CDH13: variants seen among roughly 807,000 people sequenced by gnomAD.
The protein encoded by CDH13 is cadherin-13.
CDH13 carries 24 observed loss-of-function variants against 63.8 expected under a neutral mutation model. That is an observed-to-expected ratio of 0.38 (90% CI 0.27 to 0.53). The LOEUF (loss-of-function observed/expected upper bound fraction) is 0.53, where lower values mean the gene tolerates loss of function less well. Ranked by LOEUF, CDH13 falls within the 20% of genes least tolerant of loss-of-function variation. CDH13 has a pLI of 0.85. For synonymous variants in CDH13, 503 were observed against 355.3 expected (o/e 1.42, Z -4.67); for missense variants, 1,049 against 903.1 (o/e 1.16, Z -2.07).
At chr16:82,900,234 C>A (rs1486421043) in intron 2 of CDH13, among the ~76,000 whole-genome samples, 1 of 152,152 alleles carries the variant, frequency 6.6e-6, no homozygotes, top group Non-Finnish European at 1.5e-5. Flanking sequence ...CATGCCTGTC[C>A]CAAGTATAGC....
intron 7 of CDH13, among the ~76,000 whole-genome samples, chr16:83,535,994 C>G (rs2075179373): frequency 1.3e-5 from 2 of 151,952 alleles, no homozygotes; most frequent in Admixed American, 1.3e-4. Context: ...CCATGGACAC[C>G]CACAGAAACA....
At chr16:83,666,815 CCACACATACACACA>C (rs57685216) in intron 8 of CDH13, among the ~76,000 whole-genome samples, 38,578 of 151,828 alleles carry the variant, frequency 0.25, 5,094 homozygotes, top group East Asian at 0.47. Flanking sequence ...ATACCCACCT[CCACACATACACACA>C]CACACATACA....
intron 7 of CDH13, among the ~76,000 whole-genome samples, chr16:83,550,320 G>A (rs12921461): frequency 0.32 from 48,643 of 152,108 alleles, 8,431 homozygotes; most frequent in East Asian, 0.42. Context: ...ACCAGGGGGC[G>A]CTGACAGAAG....
chr16:82,807,791 C>T (rs1054248789), intron 1 of CDH13, among the ~76,000 whole-genome samples: 2 of 152,146 alleles, frequency 1.3e-5, no homozygotes, highest in Admixed American at 1.3e-4. Context: ...AGGAAAATTG[C>T]TAAAGGTTAT....
At chr16:82,876,139 A>G (rs1030478305) in intron 2 of CDH13, among the ~76,000 whole-genome samples, 25 of 152,354 alleles carry the variant, frequency 1.6e-4, no homozygotes, top group South Asian at 8.3e-4. Context: ...CTCCCATGAC[A>G]TGTAAATAGT....
intron 6 of CDH13, among the ~76,000 whole-genome samples, chr16:83,393,790 C>G (rs1464946758): frequency 6.6e-6 from 1 of 152,196 alleles, no homozygotes; most frequent in African/African-American, 2.4e-5. Flanking sequence ...TGCCAGGCTT[C>G]TGGCCTCAGG....
At chr16:83,794,195 A>G (rs892222461) in intron 13 of CDH13, among the ~76,000 whole-genome samples, 1 of 152,212 alleles carries the variant, frequency 6.6e-6, no homozygotes, top group Non-Finnish European at 1.5e-5. Context: ...GTAAGAGAAT[A>G]GATTCGTGTT....
At chr16:83,484,570 G>C (rs984716569) in intron 6 of CDH13, among the ~76,000 whole-genome samples, 2 of 152,154 alleles carry the variant, frequency 1.3e-5, no homozygotes, top group Admixed American at 1.3e-4. Context: ...AATTTTAATT[G>C]CCAAAGCAAT....
At chr16:82,704,021 C>A (rs1006072294) in intron 1 of CDH13, among the ~76,000 whole-genome samples, 11 of 152,152 alleles carry the variant, frequency 7.2e-5, no homozygotes, top group African/African-American at 2.7e-4. Context: ...ATCTCCAGCC[C>A]CTCCTTTGCA....
In CDH13 at chr16:83,678,408, G is replaced by C. The variant is rs770880449; in HGVS notation, c.1485G>C (p.Val495=). ...AGGAGGACCTCTCTGTGGGCAGCGT[G>C]CTGCTGACAGTGAATGCCACGGACC... The part of the protein sequence containing the change: ...TRQEDLSVGS[V]LLTVNATDPD... The change falls in exon 10 of 14, where the codon GTG becomes GTC. Residue 495 remains valine, a synonymous_variant. Transcript: ENST00000567109. 53 of 1,613,868 alleles carry C rather than the reference G, an allele frequency of 3.3e-5. 1 individual carries two copies. Among genetic ancestry groups the C allele is most frequent in the Admixed American group, 5.0e-5 (3 of 60,002 alleles).
chr16:82,698,565 A>C (rs183140083), intron 1 of CDH13, among the ~76,000 whole-genome samples: 2 of 152,180 alleles, frequency 1.3e-5, no homozygotes, highest in Non-Finnish European at 2.9e-5. Flanking sequence ...ATATTGTAGC[A>C]GTGTAGCTTG....
chr16:82,796,614 G>A lies in CDH13; in HGVS notation c.46-61748G>A, dbSNP rs143173017. On this transcript the variant is annotated intron_variant, in intron 1 of 13. Transcript: ENST00000567109. The stretch of plus-strand genomic sequence containing the variant: ...ATCCATTCATGATACTTTGGCTTAT[G>A]GGTGTTCCACACTTGATTCCAAGGG... Among the ~76,000 whole-genome samples, 720 of 152,296 alleles carry A rather than the reference G, an allele frequency of 4.7e-3. 5 individuals are homozygous for A. Among genetic ancestry groups the A allele is most frequent in the African/African-American group, 0.016 (676 of 41,560 alleles).
chr16:82,637,322 CTTCTT>C (rs1036850373), intron 1 of CDH13, among the ~76,000 whole-genome samples: 2 of 151,930 alleles, frequency 1.3e-5, no homozygotes, highest in African/African-American at 2.4e-5. Flanking sequence ...TCTGCTTTCC[CTTCTT>C]TTCTTCCTTT....
At chr16:83,343,259 T>G (rs1165642713) in intron 5 of CDH13, among the ~76,000 whole-genome samples, 4 of 152,204 alleles carry the variant, frequency 2.6e-5, no homozygotes. Flanking sequence ...TTGTAGGTCA[T>G]GTATGATGAT....
intron 5 of CDH13, among the ~76,000 whole-genome samples, chr16:83,236,815 G>C (rs546859118): frequency 6.6e-6 from 1 of 152,224 alleles, no homozygotes; most frequent in African/African-American, 2.4e-5. Context: ...GAGTGGCAGG[G>C]GTGGGAAGGA....
Position 82,841,841 on chromosome 16 carries a change from C to T in CDH13, c.46-16521C>T, listed in dbSNP as rs565149607. Among the ~76,000 whole-genome samples the T allele has an allele frequency of 1.8e-3, 275 of 152,064 alleles. 2 individuals are homozygous for T. Among genetic ancestry groups the T allele is most frequent in the African/African-American group, 6.2e-3 (259 of 41,470 alleles). Reference sequence around the variant, plus strand: ...CCTACTGTGCTGGAGCTGCTTAACCCATGAAAGACAGTTGTACACAGCTCT... The same window carrying T: ...CCTACTGTGCTGGAGCTGCTTAACCTATGAAAGACAGTTGTACACAGCTCT... On this transcript the variant is annotated intron_variant, in intron 1 of 13. Transcript: ENST00000567109.
chr16:82,928,602 G>C (rs550312301), intron 2 of CDH13, among the ~76,000 whole-genome samples: 1 of 152,162 alleles, frequency 6.6e-6, no homozygotes, highest in Non-Finnish European at 1.5e-5. Context: ...CTTATCTGGA[G>C]AATTATGTTT....
chr16:83,013,556 C>A (rs1461430643), intron 2 of CDH13, among the ~76,000 whole-genome samples: 22 of 152,162 alleles, frequency 1.4e-4, no homozygotes, highest in Admixed American at 1.4e-3. Flanking sequence ...GGATTAAGAG[C>A]CTCAGGAAGA....
intron 8 of CDH13, among the ~76,000 whole-genome samples, chr16:83,666,969 T>G (rs575971933): frequency 3.9e-5 from 6 of 152,200 alleles, no homozygotes; most frequent in Admixed American, 6.5e-5. Context: ...CATGTCTGTT[T>G]TGTTTAGTGG....
Sources: gnomAD v4.1 joint callset for allele counts (sites outside exome capture counted in the v4.1 genomes callset) on GRCh38, gnomAD v4.1.1 for gene constraint, MANE v1.5 for transcripts, NCBI Gene and HGNC (gene_info 2026-07-23, HGNC 2026-07-21) for gene names.